Variants in POLR3H observed in about 807,000 individuals in gnomAD.
POLR3H encodes the protein RNA polymerase III subunit H.
POLR3H carries 17 observed loss-of-function variants against 25.5 expected under a neutral mutation model. That is an observed-to-expected ratio of 0.67 (90% confidence interval 0.46 to 1.00). POLR3H has a LOEUF of 1.00. POLR3H is among the 50% of genes least tolerant of loss of function. POLR3H has a pLI of 0.00. For missense variants in POLR3H, 274 were observed against 265.0 expected (o/e 1.03, Z -0.24); for synonymous variants, 129 against 103.0 (o/e 1.25, Z -1.53).
chr22:41,526,332 A>T lies in POLR3H; in HGVS notation c.*2951T>A, dbSNP rs1212185103. 6.2e-7 allele frequency: 1 copy of T among 1,613,044 alleles called. No homozygotes were observed. The highest frequency in any genetic ancestry group is 8.5e-7 in the Non-Finnish European group (1 of 1,180,028). ...TGGCTCAAGTTCCGTGGGCACTTGG[A>T]TAACATCTCCAACAACCTGCTCATT... On this transcript the variant is annotated 3_prime_UTR_variant, in exon 6 of 6. Transcript: ENST00000355209.
chr22:41,530,630 C>T, intron 5 of POLR3H, 57 bp downstream of exon 5: 1 of 1,495,622 alleles, frequency 6.7e-7, no homozygotes, highest in South Asian at 1.2e-5. Flanking sequence ...CAGCTTCCAG[C>T]CCTGCACTCC....
chr22:41,541,135 A>C (rs2066922454), intron 1 of POLR3H, among the ~76,000 whole-genome samples: 1 of 152,156 alleles, frequency 6.6e-6, no homozygotes, highest in Non-Finnish European at 1.5e-5. Context: ...AAATAAAGAG[A>C]GATAACAGAT....
intron 2 of POLR3H, among the ~76,000 whole-genome samples, chr22:41,536,759 G>A (rs923686196): frequency 2.2e-4 from 33 of 151,100 alleles, no homozygotes; most frequent in African/African-American, 5.6e-4. Context: ...TCAGCTACTC[G>A]GGAAGCTGAG....
chr22:41,534,007 A>G (rs2066796652), intron 2 of POLR3H, among the ~76,000 whole-genome samples: 1 of 152,160 alleles, frequency 6.6e-6, no homozygotes. Flanking sequence ...GTGTGGTACC[A>G]GGTGCCTATG....
rs2066642445 is a variant in POLR3H at position 41,528,094 on chromosome 22, C to T, written c.*1189G>A. ...CCTTGTTTCCCCTCCTGCACTGGCC[C>T]CAGGGTAGCTTCTCCCAGGAGGCTT... On this transcript the variant is annotated 3_prime_UTR_variant, in exon 6 of 6. Coordinates refer to ENST00000355209, the MANE Select transcript of POLR3H (RefSeq NM_001018050.4). 1 of 1,599,558 alleles carries T rather than the reference C, an allele frequency of 6.3e-7. No homozygotes were observed.
chr22:41,527,619 C>A lies in POLR3H; in HGVS notation c.*1664G>T, dbSNP rs1219817162. ...TCCCGGCTTCCCGCAGGCCCTGCTT[C>A]CAGGCTTGTAGATCTGAGCCGCTGA... On this transcript the variant is annotated 3_prime_UTR_variant, in exon 6 of 6. Transcript: ENST00000355209. 2.3e-6 allele frequency: 2 copies of A among 855,764 alleles called. No individual in the cohort carries two copies. Among genetic ancestry groups the A allele is most frequent in the Non-Finnish European group, 3.5e-6 (2 of 569,662 alleles). The allele number at this position is 855,764 out of a possible 1,614,324, so 53.0% of individuals were successfully genotyped here.
At position 41,540,725 on chromosome 22, in the gene POLR3H, G is replaced by C. The variant is rs142800678; in HGVS notation, c.182C>G (p.Pro61Arg). 6.2e-7 allele frequency: 1 copy of C among 1,613,842 alleles called. No homozygotes were observed. Among genetic ancestry groups the C allele is most frequent in the African/African-American group, 1.3e-5 (1 of 74,902 alleles). Residue 61 changes from proline (P) to arginine (R), a missense_variant, in exon 2 of 6, where the codon CCT becomes CGT. Transcript: ENST00000355209. The stretch of plus-strand genomic sequence containing the variant: ...TTTGGTGTGTGATGCGCCATCCCCA[G>C]GGAATACATAGGCATCCTCCAGTTT... ...ITKLEDAYVF[P>R]GDGASHTKVH...
chr22:41,537,861 C>T (rs1187723558), intron 2 of POLR3H, among the ~76,000 whole-genome samples: 1 of 151,972 alleles, frequency 6.6e-6, no homozygotes, highest in Non-Finnish European at 1.5e-5. Context: ...AGCTGGAGTG[C>T]AGCGGCGTGT....
intron 1 of POLR3H, among the ~76,000 whole-genome samples, chr22:41,541,199 G>A (rs568511358): frequency 1.3e-5 from 2 of 152,298 alleles, no homozygotes; most frequent in Admixed American, 6.5e-5. Context: ...TCATCATCAA[G>A]GATCTTTGTT....
chr22:41,528,838 C>A lies in POLR3H; in HGVS notation c.*445G>T. 1.7e-6 allele frequency: 1 copy of A among 584,686 alleles called. No homozygotes were observed. Among genetic ancestry groups the A allele is most frequent in the Non-Finnish European group, 2.9e-6 (1 of 339,168 alleles). 36.2% of individuals were successfully genotyped at this position (584,686 alleles called of 1,614,324 possible). On this transcript the variant is annotated 3_prime_UTR_variant, in exon 6 of 6. Transcript: ENST00000355209. The stretch of plus-strand genomic sequence containing the variant: ...TTTTGAGTTTGGTTCAGATCTTAAG[C>A]AGCTCCATGCAACTGTATTTATTTT...
Position 41,527,076 on chromosome 22 carries a change from C to A in POLR3H, c.*2207G>T. The A allele has an allele frequency of 1.5e-6, 1 of 656,826 alleles. No individual in the cohort carries two copies. Among genetic ancestry groups the A allele is most frequent in the Non-Finnish European group, 2.6e-6 (1 of 390,478 alleles). The allele number at this position is 656,826 out of a possible 1,614,324, so 40.7% of individuals were successfully genotyped here. ...TCTTCTTTGCCACTGCAAACAACCA[C>A]GTGCCTCTGTCCCCTCGGGGCCTCG... On this transcript the variant is annotated 3_prime_UTR_variant, in exon 6 of 6. Coordinates refer to ENST00000355209, the MANE Select transcript of POLR3H (RefSeq NM_001018050.4).
chr22:41,544,042 C>T lies in POLR3H; in HGVS notation c.60G>A (p.Arg20=), dbSNP rs757900779. ...TVRIPPWQFE[R]KLNDSIAEEL... is the part of the protein sequence containing the mutation. ...CCTCGGCAATGGAGTCGTTGAGCTT[C>T]CTCTCAAACTGCCAAGGGGGGATCC... Residue 20 remains arginine (R), a synonymous_variant, in exon 1 of 6, where the codon AGG becomes AGA. Transcript: ENST00000355209. 1 of 1,571,544 alleles carries T rather than the reference C, an allele frequency of 6.4e-7. No individual in the cohort carries two copies. Among genetic ancestry groups the T allele is most frequent in the East Asian group, 2.3e-5 (1 of 42,562 alleles).
rs2066976025 is a variant in POLR3H, at chr22:41,543,997, G to A, written c.105C>T (p.Ala35=). The A allele has an allele frequency of 1.2e-6, 2 of 1,612,338 alleles. No individual in the cohort carries two copies. Among genetic ancestry groups the A allele is most frequent in the Non-Finnish European group, 1.7e-6 (2 of 1,178,422 alleles). The part of the protein sequence containing the change: ...SIAEELNKKL[A]NKVVYNVGLC... ...CGAGCCGTGGGCCCAGTACCTTGTT[G>A]GCCAACTTCTTGTTCAGCTCCTCGG... The change falls in exon 1 of 6, where the codon GCC becomes GCT. Residue 35 remains alanine (A), a synonymous_variant. Transcript: ENST00000355209.
chr22:41,526,457 G>A lies in POLR3H; in HGVS notation c.*2826C>T. 6.2e-7 allele frequency: 1 copy of A among 1,609,110 alleles called. No homozygotes were observed. ...TGACACTGCCCGCTACTACAAGGTGGGTCAGAGTTGATAGGGGCAATGCCA... is the reference window on the plus strand; with the variant it reads ...TGACACTGCCCGCTACTACAAGGTGAGTCAGAGTTGATAGGGGCAATGCCA... On this transcript the variant is annotated 3_prime_UTR_variant, in exon 6 of 6. Transcript: ENST00000355209.
At position 41,528,771 on chromosome 22, in the gene POLR3H, T is replaced by G; in HGVS notation, c.*512A>C. The G allele has an allele frequency of 9.1e-7, 1 of 1,100,426 alleles. No homozygotes were observed. The highest frequency in any genetic ancestry group is 1.7e-5 in the South Asian group (1 of 58,896). 68.2% of individuals were successfully genotyped at this position (1,100,426 alleles called of 1,614,324 possible). A position where few individuals can be genotyped will look rare whatever the true frequency, so the allele number is the denominator to read the frequency against. ...GCCCACGGAGTGACTGTGGTTGTGG[T>G]GGGGGGGTTCTTAAAATAACTTTTT... On this transcript the variant is annotated 3_prime_UTR_variant, in exon 6 of 6. Transcript: ENST00000355209.
intron 1 of POLR3H, among the ~76,000 whole-genome samples, chr22:41,542,395 T>G (rs552554730): frequency 6.6e-6 from 1 of 152,068 alleles, no homozygotes; most frequent in African/African-American, 2.4e-5. Flanking sequence ...GTATTCCTTC[T>G]TCACAGGGCC....
Position 41,528,095 on chromosome 22 carries a change from C to T in POLR3H, c.*1188G>A, listed in dbSNP as rs2146155258. 1 of 1,598,480 alleles carries T rather than the reference C, an allele frequency of 6.3e-7. No homozygotes were observed. Among genetic ancestry groups the T allele is most frequent in the Admixed American group, 1.7e-5 (1 of 58,344 alleles). On this transcript the variant is annotated 3_prime_UTR_variant, in exon 6 of 6. Transcript: ENST00000355209. ...CTTGTTTCCCCTCCTGCACTGGCCCCAGGGTAGCTTCTCCCAGGAGGCTTC... is the reference window on the plus strand; with the variant it reads ...CTTGTTTCCCCTCCTGCACTGGCCCTAGGGTAGCTTCTCCCAGGAGGCTTC...
chr22:41,527,755 A>G lies in POLR3H; in HGVS notation c.*1528T>C. On this transcript the variant is annotated 3_prime_UTR_variant, in exon 6 of 6. Coordinates refer to ENST00000355209, the MANE Select transcript of POLR3H (RefSeq NM_001018050.4). ...GCTAGGGGCACCCCTAGTGAAAGGGAGCAGACCAGGGCCCCATAGTCACTG... is the reference window on the plus strand; with the variant it reads ...GCTAGGGGCACCCCTAGTGAAAGGGGGCAGACCAGGGCCCCATAGTCACTG... 14 of 1,346,884 alleles carry G rather than the reference A, an allele frequency of 1.0e-5. No homozygotes were observed. Among genetic ancestry groups the G allele is most frequent in the Non-Finnish European group, 1.4e-5 (14 of 988,870 alleles). The allele number at this position is 1,346,884 out of a possible 1,614,324, so 83.4% of individuals were successfully genotyped here.
Position 41,528,661 on chromosome 22 carries a change from T to C in POLR3H, c.*622A>G. 6.2e-7 allele frequency: 1 copy of C among 1,602,096 alleles called. No homozygotes were observed. The highest frequency in any genetic ancestry group is 8.5e-7 in the Non-Finnish European group (1 of 1,176,352). On this transcript the variant is annotated 3_prime_UTR_variant, in exon 6 of 6. Coordinates refer to ENST00000355209, the MANE Select transcript of POLR3H (RefSeq NM_001018050.4). Reference sequence around the variant, plus strand: ...CGCTGGCGTCAAGTTCAGCTCCACGTGTGCCATCAGTGGATCCGATCCGTC... The same window carrying C: ...CGCTGGCGTCAAGTTCAGCTCCACGCGTGCCATCAGTGGATCCGATCCGTC...
Sources: allele counts gnomAD v4.1 joint callset (sites outside exome capture counted in the v4.1 genomes callset), GRCh38; gene constraint gnomAD v4.1.1; transcripts MANE v1.5; gene names NCBI Gene and HGNC (gene_info 2026-07-23, HGNC 2026-07-21).